The following TRIM66 variants were observed in gnomAD, a reference collection of about 807,000 sequenced individuals.
TRIM66 encodes the protein tripartite motif-containing protein 66.
A neutral mutation model predicts 148.2 loss-of-function variants in TRIM66; 99 were observed. The observed-to-expected ratio is 0.67, with a 90% CI of 0.57 to 0.79. The LOEUF is 0.79. Among genes scored for constraint, TRIM66 ranks in the 30% least tolerant of loss-of-function variants. TRIM66 has a pLI of 0.00. For synonymous variants in TRIM66, 616 were observed against 635.9 expected (o/e 0.97, Z 0.47); for missense variants, 1,666 against 1,697.9 (o/e 0.98, Z 0.33).
At chr11:8,657,683 G>C (rs977484753) in intron 6 of TRIM66, among the ~76,000 whole-genome samples, 2 of 151,260 alleles carry the variant, frequency 1.3e-5, no homozygotes, top group Non-Finnish European at 1.5e-5. Flanking sequence ...TCCCACCCCC[G>C]GGCAGCCCCA....
chr11:8,647,072 A>G (rs1592126315), intron 10 of TRIM66, among the ~76,000 whole-genome samples: 1 of 114,026 alleles, frequency 8.8e-6, no homozygotes, highest in East Asian at 2.2e-4. Context: ...ACATATAATT[A>G]TATAATAAAC....
At chr11:8,626,742 T>C (rs540078193) in intron 15 of TRIM66, among the ~76,000 whole-genome samples, 9 of 152,318 alleles carry the variant, frequency 5.9e-5, no homozygotes, top group East Asian at 1.9e-4. Flanking sequence ...ACATTCTTCT[T>C]AGAATAACTG....
At position 8,642,045 on chromosome 11, in the gene TRIM66, C is replaced by T. The variant is rs138391848; in HGVS notation, c.1223-893G>A. On this transcript the variant is annotated intron_variant, in intron 13 of 24. Coordinates refer to ENST00000646038, the MANE Select transcript of TRIM66 (RefSeq NM_001388022.1). Reference sequence around the variant, plus strand: ...TCTCAGGTATTTCTTCACAATAATGCGAGAATGGACTAATACACCAGGTCA... The same window carrying T: ...TCTCAGGTATTTCTTCACAATAATGTGAGAATGGACTAATACACCAGGTCA... 3.2e-4 allele frequency among the ~76,000 whole-genome samples: 48 copies of T among 152,202 alleles called. No homozygotes were observed. The East Asian group carries it at 7.3e-3, about 23-fold the overall frequency.
rs146633273 is a variant in TRIM66, at chr11:8,644,769, C to T, written c.1104+972G>A. Among the ~76,000 whole-genome samples, 290 of 152,322 alleles carry T rather than the reference C, an allele frequency of 1.9e-3. 4 individuals are homozygous for T. In the South Asian group the frequency reaches 0.02, roughly 10 times the overall value. ...CTTCTTTTCACTTCTGTCTCTACTT[C>T]GTCACCACCCATCCTCAGTCTCCTC... On this transcript the variant is annotated intron_variant, in intron 12 of 24. Transcript: ENST00000646038.
chr11:8,628,636 A>AAAAAAAAAAAAAAAAAGAGAG (rs1555042270), intron 15 of TRIM66, among the ~76,000 whole-genome samples: 4 of 93,340 alleles, frequency 4.3e-5, no homozygotes, highest in Admixed American at 1.2e-4. Context: ...AAAAAAAAAA[A>AAAAAAAAAAAAAAAAAGAGAG]AGAGAGAGAA....
At chr11:8,651,925 C>A (rs2037392158) in intron 6 of TRIM66, 22 bp from the exon 7 acceptor site, 1 of 1,538,250 alleles carries the variant, frequency 6.5e-7, no homozygotes, top group Non-Finnish European at 8.8e-7. Flanking sequence ...AGAAAGATAG[C>A]AGAGTCAGGG....
chr11:8,638,774 A>G lies in TRIM66; in HGVS notation c.2190T>C (p.Ala730=), dbSNP rs1419742907. ...CAGCAGTATTCTTGTCAAGAGGGAG[A>G]GCCGGCTTTGAGCCCTGAGATGCTG... ...EPPASQGSKP[A]LPLDKNTAAA... The change falls in exon 15 of 25, where the codon GCT becomes GCC. Residue 730 remains alanine (A), a synonymous_variant. Coordinates refer to ENST00000646038, the MANE Select transcript of TRIM66 (RefSeq NM_001388022.1). 2 of 1,551,092 alleles carry G rather than the reference A, an allele frequency of 1.3e-6. No individual in the cohort carries two copies. Among genetic ancestry groups the G allele is most frequent in the Non-Finnish European group, 8.7e-7 (1 of 1,146,758 alleles).
intron 24 of TRIM66, 169 bp downstream of exon 24, chr11:8,618,581 G>A (rs2033894920): frequency 1.6e-6 from 1 of 637,548 alleles, no homozygotes; most frequent in Non-Finnish European, 2.7e-6. Flanking sequence ...GCATTGATGG[G>A]CCCTGTACTG....
Position 8,638,693 on chromosome 11 carries a change from G to A in TRIM66, c.2271C>T (p.Asp757=). 2 of 1,549,442 alleles carry A rather than the reference G, an allele frequency of 1.3e-6. No individual in the cohort carries two copies. Among genetic ancestry groups the A allele is most frequent in the Non-Finnish European group, 1.7e-6 (2 of 1,146,162 alleles). The change falls in exon 15 of 25, where the codon GAC becomes GAT. Residue 757 remains aspartate, a synonymous_variant. Coordinates refer to ENST00000646038, the MANE Select transcript of TRIM66 (RefSeq NM_001388022.1). The stretch of plus-strand genomic sequence containing the variant: ...TTGGAGAGGAGTGCTGGATGGTGCT[G>A]TCCACTGGGGGGACACTGAGAGGGG... ...EETPLSVPPV[D]STIQHSSPNV...
chr11:8,667,282 T>C (rs1287115235), intron 6 of TRIM66, among the ~76,000 whole-genome samples: 3 of 152,258 alleles, frequency 2.0e-5, no homozygotes, highest in Admixed American at 2.0e-4. Flanking sequence ...ATTTATGACA[T>C]TGGATTTGGC....
rs1160268551 is a variant in TRIM66 at position 8,651,797 on chromosome 11, T to C, written c.444+3A>G. 3.9e-6 allele frequency: 6 copies of C among 1,551,378 alleles called. No individual in the cohort carries two copies. Among genetic ancestry groups the C allele is most frequent in the Non-Finnish European group, 5.2e-6 (6 of 1,146,756 alleles). On this transcript the variant is annotated splice_donor_region_variant and intron_variant, in intron 7 of 24. Coordinates refer to ENST00000646038, the MANE Select transcript of TRIM66 (RefSeq NM_001388022.1). ...AGCTGCTTCTTTCCTTGTCCTGACT[T>C]ACCCTGGCCATCTTGGGTTGCTCAG...
chr11:8,644,466 A>G (rs2036674092), intron 12 of TRIM66: 1 of 452,120 alleles, frequency 2.2e-6, no homozygotes, highest in Non-Finnish European at 4.4e-6. Context: ...CATAAAGGAT[A>G]AATTACCCCA....
At chr11:8,645,211 G>T (rs2036741633) in intron 12 of TRIM66, among the ~76,000 whole-genome samples, 1 of 152,142 alleles carries the variant, frequency 6.6e-6, no homozygotes, top group Non-Finnish European at 1.5e-5. Flanking sequence ...TTTAATGGTA[G>T]GTAGCTTGGA....
At position 8,619,468 on chromosome 11, in the gene TRIM66, T is replaced by C. The variant is rs566831704; in HGVS notation, c.3815A>G (p.Lys1272Arg). The change falls in exon 23 of 25, where the codon AAG becomes AGG. Residue 1272 changes from lysine (K) to arginine (R), a missense_variant. By Grantham distance (26) the Lys-to-Arg change is conservative. Transcript: ENST00000646038. ...DLSIIRRKLQ[K>R]KDPAHYTTPE... ...GGTGGTATAGTGAGCTGGGTCCTTC[T>C]TTTGCAGCTTCCTCCGGATGATTGA... The C allele has an allele frequency of 4.8e-5, 75 of 1,551,290 alleles. No individual in the cohort carries two copies. Among genetic ancestry groups the C allele is most frequent in the Non-Finnish European group, 6.4e-5 (73 of 1,146,850 alleles).
At position 8,625,068 on chromosome 11, in the gene TRIM66, T is replaced by G. The variant is rs1000677924; in HGVS notation, c.2471A>C (p.Lys824Thr). ...AVPSLLSAPP[K>T]MVSSLTSVQN... ...AACACTTGTCAGGCTGGACACCATT[T>G]TGGGGGGAGCACTCAGCAGGCTTGG... The change falls in exon 16 of 25, where the codon AAA becomes ACA. Residue 824 changes from lysine (K) to threonine (T), a missense_variant. By Grantham distance (78) the Lys-to-Thr change is moderately conservative. Around this residue, in one of 3 missense-constraint regions of TRIM66, gnomAD observed 1,431 missense variants for 1,412.4 expected, o/e 1.01. Transcript: ENST00000646038. 5.8e-6 allele frequency: 9 copies of G among 1,551,600 alleles called. No individual in the cohort carries two copies. In the African/African-American group the frequency reaches 1.1e-4, roughly 19 times the overall value.
Position 8,640,382 on chromosome 11 carries a change from CCTT to C in TRIM66, c.1990_1992del (p.Lys664del). On this transcript the variant is annotated inframe_deletion, in exon 14 of 25. Transcript: ENST00000646038. ...TGAGCCTGGAGAAGAAGCTCCAAGT[CCTT>C]CTGCATTTCCTCCAGCTCAAACTTG... 1.4e-5 allele frequency: 21 copies of C among 1,551,848 alleles called. No individual in the cohort carries two copies. The highest frequency in any genetic ancestry group is 1.8e-5 in the Non-Finnish European group (21 of 1,147,066).
chr11:8,651,308 C>T (rs1471408233), intron 7 of TRIM66, among the ~76,000 whole-genome samples: 1 of 152,028 alleles, frequency 6.6e-6, no homozygotes, highest in African/African-American at 2.4e-5. Flanking sequence ...GAAAGAGGAA[C>T]AGAAGGGCTG....
chr11:8,682,451 G>A, intron 1 of TRIM66, 150 bp downstream of exon 1: 1 of 349,956 alleles, frequency 2.9e-6, no homozygotes, highest in Non-Finnish European at 5.3e-6. Flanking sequence ...CTCAGACAAC[G>A]AGGCCCTTAG....
intron 15 of TRIM66, among the ~76,000 whole-genome samples, chr11:8,628,620 A>AC (rs2035085491): frequency 1.2e-5 from 1 of 85,068 alleles, no homozygotes; most frequent in African/African-American, 3.5e-5. Flanking sequence ...CTCAAAAAAA[A>AC]AAAAAAAAAA....
Sources: allele counts gnomAD v4.1 joint callset (sites outside exome capture counted in the v4.1 genomes callset), GRCh38; gene constraint gnomAD v4.1.1; regional missense constraint gnomAD v4.1.1; transcripts MANE v1.5; gene names NCBI Gene and HGNC (gene_info 2026-07-23, HGNC 2026-07-21).